The following PTPRD variants were observed in gnomAD, a reference collection of about 807,000 sequenced individuals.
The protein encoded by PTPRD is receptor-type tyrosine-protein phosphatase delta.
PTPRD carries 34 observed loss-of-function variants against 214.5 expected under a neutral mutation model. The ratio of observed to expected loss-of-function variants is 0.16; its 90% confidence interval spans 0.12 to 0.21. The LOEUF is 0.21. PTPRD is among the 10% of genes least tolerant of loss of function. PTPRD has a pLI of 1.00. For synonymous variants in PTPRD, 1,128 were observed against 845.7 expected (o/e 1.33, Z -5.79); for missense variants, 2,545 against 2,398.7 (o/e 1.06, Z -1.27).
chr9:9,569,045 C>A (rs965399137), intron 8 of PTPRD, among the ~76,000 whole-genome samples: 2 of 151,570 alleles, frequency 1.3e-5, no homozygotes, highest in Non-Finnish European at 3.0e-5. Flanking sequence ...TGCACTATGC[C>A]CACTTTCTCA....
At chr9:8,797,605 G>A (rs1213283422) in intron 11 of PTPRD, among the ~76,000 whole-genome samples, 1 of 152,148 alleles carries the variant, frequency 6.6e-6, no homozygotes, top group Admixed American at 6.6e-5. Context: ...GAAACTCTCT[G>A]GAACTGTCTC....
intron 14 of PTPRD, among the ~76,000 whole-genome samples, chr9:8,530,682 A>AT (rs2075454676): frequency 6.6e-6 from 1 of 152,066 alleles, no homozygotes; most frequent in African/African-American, 2.4e-5. Flanking sequence ...CTGTTTAAAA[A>AT]ATATATATAT....
At chr9:9,286,599 T>C (rs1165746615) in intron 9 of PTPRD, among the ~76,000 whole-genome samples, 1 of 151,550 alleles carries the variant, frequency 6.6e-6, no homozygotes, top group Non-Finnish European at 1.5e-5. Flanking sequence ...TTGATATCAC[T>C]CAAATAAAAC....
intron 14 of PTPRD, among the ~76,000 whole-genome samples, chr9:8,531,690 G>T (rs2075739667): frequency 6.6e-6 from 1 of 151,982 alleles, no homozygotes; most frequent in Middle Eastern, 3.2e-3. Flanking sequence ...AGTTACATTT[G>T]CCTGCATAAA....
intron 4 of PTPRD, among the ~76,000 whole-genome samples, chr9:9,994,203 T>C (rs1280832901): frequency 6.6e-6 from 1 of 152,170 alleles, no homozygotes; most frequent in Non-Finnish European, 1.5e-5. Flanking sequence ...GGATTTGGGA[T>C]TTTATTACAC....
chr9:8,651,371 A>T (rs1719306463), intron 12 of PTPRD, among the ~76,000 whole-genome samples: 1 of 152,160 alleles, frequency 6.6e-6, no homozygotes, highest in Non-Finnish European at 1.5e-5. Flanking sequence ...ATAATAATAG[A>T]TGATAACCCA....
At position 9,031,878 on chromosome 9, in the gene PTPRD, T is replaced by C. The variant is rs188211194; in HGVS notation, c.-142-13143A>G. On this transcript the variant is annotated intron_variant, in intron 10 of 45. Coordinates refer to ENST00000381196, the MANE Select transcript of PTPRD (RefSeq NM_002839.4). Reference sequence around the variant, plus strand: ...AGCAAGGGCAGAAGGATGGTAGAATTGGACAGTCAAAAAATGGGGCATTTT... The same window carrying C: ...AGCAAGGGCAGAAGGATGGTAGAATCGGACAGTCAAAAAATGGGGCATTTT... 9.7e-4 allele frequency among the ~76,000 whole-genome samples: 147 copies of C among 152,070 alleles called. 2 individuals carry two copies. In the East Asian group the frequency reaches 0.014, roughly 14 times the overall value.
chr9:9,694,939 C>T (rs114927709), intron 7 of PTPRD, among the ~76,000 whole-genome samples: 149 of 152,272 alleles, frequency 9.8e-4, no homozygotes, highest in African/African-American at 3.0e-3. Flanking sequence ...CAAGAGCCTG[C>T]TTGTTGCTCT....
intron 2 of PTPRD, among the ~76,000 whole-genome samples, chr9:10,581,063 G>A (rs1337476610): frequency 6.6e-6 from 1 of 152,042 alleles, no homozygotes; most frequent in Non-Finnish European, 1.5e-5. Context: ...TCTCGGATGC[G>A]TAACCTTATG....
At chr9:8,882,689 A>T (rs1263866435) in intron 11 of PTPRD, among the ~76,000 whole-genome samples, 1 of 152,006 alleles carries the variant, frequency 6.6e-6, no homozygotes, top group Non-Finnish European at 1.5e-5. Flanking sequence ...GTTTGAGACC[A>T]GCCTGGCCGA....
At chr9:8,649,284 A>G (rs1333235319) in intron 12 of PTPRD, among the ~76,000 whole-genome samples, 1 of 152,256 alleles carries the variant, frequency 6.6e-6, no homozygotes, top group Non-Finnish European at 1.5e-5. Flanking sequence ...GTATGAGCTG[A>G]AAGGCTTTGA....
At chr9:9,110,713 A>G (rs1310767143) in intron 10 of PTPRD, among the ~76,000 whole-genome samples, 1 of 152,004 alleles carries the variant, frequency 6.6e-6, no homozygotes, top group African/African-American at 2.4e-5. Context: ...ACCACCATCA[A>G]CTCAGCCTGT....
At chr9:9,043,416 T>C (rs973239069) in intron 10 of PTPRD, among the ~76,000 whole-genome samples, 4 of 152,178 alleles carry the variant, frequency 2.6e-5, no homozygotes, top group African/African-American at 9.7e-5. Flanking sequence ...TCAATATTTG[T>C]CTAGTATTTC....
intron 15 of PTPRD, 63 bp downstream of exon 15, chr9:8,528,528 G>T (rs2139443564): frequency 7.5e-7 from 1 of 1,331,274 alleles, no homozygotes; most frequent in Non-Finnish European, 1.0e-6. Flanking sequence ...TAAAAATAAG[G>T]AGAGAGAAAA....
At chr9:9,369,930 G>A (rs909465032) in intron 9 of PTPRD, among the ~76,000 whole-genome samples, 3 of 152,050 alleles carry the variant, frequency 2.0e-5, no homozygotes, top group African/African-American at 7.2e-5. Flanking sequence ...TAGATACGCG[G>A]CATTATTTCT....
At chr9:9,136,922 C>T (rs906665849) in intron 10 of PTPRD, among the ~76,000 whole-genome samples, 16 of 152,110 alleles carry the variant, frequency 1.1e-4, no homozygotes, top group African/African-American at 3.9e-4. Flanking sequence ...AGGGGATTTA[C>T]TCTGTGCCTG....
chr9:9,044,466 C>T (rs2099663991), intron 10 of PTPRD, among the ~76,000 whole-genome samples: 1 of 152,186 alleles, frequency 6.6e-6, no homozygotes, highest in South Asian at 2.1e-4. Context: ...TCACTGCCTC[C>T]TAGCAATACA....
chr9:9,845,165 AATAT>A lies in PTPRD; in HGVS notation c.-367-78318_-367-78315del, dbSNP rs34892220. ...ATATATATTGCTCTATATATAGAGC[AATAT>A]ATATATATATATTGCTCTATATATA... is the stretch of plus-strand genomic sequence containing the variant. On this transcript the variant is annotated intron_variant, in intron 5 of 45. Coordinates refer to ENST00000381196, the MANE Select transcript of PTPRD (RefSeq NM_002839.4). Among the ~76,000 whole-genome samples the A allele has an allele frequency of 4.0e-3, 22 of 5,542 alleles. 2 individuals are homozygous for A. Among genetic ancestry groups the A allele is most frequent in the Non-Finnish European group, 0.011 (13 of 1,178 alleles). 3.6% of individuals were successfully genotyped at this position (5,542 alleles called of 152,430 possible).
chr9:10,138,687 A>G (rs1222910709), intron 3 of PTPRD, among the ~76,000 whole-genome samples: 2 of 152,140 alleles, frequency 1.3e-5, no homozygotes, highest in Non-Finnish European at 2.9e-5. Context: ...GCAGCACATC[A>G]AAAAGTTAGT....
Sources: allele counts gnomAD v4.1 joint callset (sites outside exome capture counted in the v4.1 genomes callset), GRCh38; gene constraint gnomAD v4.1.1; transcripts MANE v1.5; gene names NCBI Gene and HGNC (gene_info 2026-07-23, HGNC 2026-07-21).